The following TFIP11 variants were observed in gnomAD, a reference collection of about 807,000 sequenced individuals.
The protein encoded by TFIP11 is tuftelin interacting protein 11.
Under a neutral mutation model 96.8 loss-of-function variants are expected in TFIP11, and 86 were observed. The ratio of observed to expected loss-of-function variants is 0.89; its 90% CI spans 0.75 to 1.06. The LOEUF (loss-of-function observed/expected upper bound fraction) is 1.06, where lower values mean the gene tolerates loss of function less well. TFIP11 is among the 50% of genes least tolerant of loss of function. TFIP11 has a pLI of 0.00. For missense variants in TFIP11, 881 were observed against 1,076.7 expected (o/e 0.82, Z 2.54); for synonymous variants, 405 against 395.2 (o/e 1.02, Z -0.29).
In TFIP11 at chr22:26,510,217, T is replaced by C. The variant is rs1004139892; in HGVS notation, c.56A>G (p.Asp19Gly). 1.2e-6 allele frequency: 2 copies of C among 1,612,718 alleles called. No homozygotes were observed. Among genetic ancestry groups the C allele is most frequent in the African/African-American group, 2.7e-5 (2 of 74,872 alleles). The change falls in exon 4 of 15, where the codon GAC becomes GGC. Residue 19 changes from aspartate (D) to glycine (G), a missense_variant. Asp to Gly is a moderately conservative substitution (Grantham distance 94). Transcript: ENST00000407690. ...DGEGRIDDDD[D>G]ERENFEITDW... ...AGTGATCTCAAAGTTCTCCCGCTCGTCATCATCATCATCAATGCGGCCTTC... is the reference window on the plus strand; with the variant it reads ...AGTGATCTCAAAGTTCTCCCGCTCGCCATCATCATCATCAATGCGGCCTTC...
intron 8 of TFIP11, among the ~76,000 whole-genome samples, chr22:26,501,407 G>T (rs1051030556): frequency 6.6e-6 from 1 of 151,952 alleles, no homozygotes; most frequent in African/African-American, 2.4e-5. Context: ...AAAAATGTCT[G>T]AAACAAAGAC....
Position 26,510,284 on chromosome 22 carries a change from AAAGG to A in TFIP11, c.-9-7_-9-4del. The A allele has an allele frequency of 1.9e-6, 3 of 1,614,084 alleles. No homozygotes were observed. Among genetic ancestry groups the A allele is most frequent in the Non-Finnish European group, 8.5e-7 (1 of 1,179,966 alleles). ...TGGGACAATGACATGGCCAGTCACT[AAAGG>A]AAGAGACAAAAAGAGCACAGGCCGT... is the stretch of plus-strand genomic sequence containing the variant. On this transcript the variant is annotated splice_region_variant and splice_polypyrimidine_tract_variant and intron_variant, in intron 3 of 14. Coordinates refer to ENST00000407690, the MANE Select transcript of TFIP11 (RefSeq NM_012143.4).
At chr22:26,496,928 C>G (rs774276685) in intron 10 of TFIP11, 39 bp from the exon 11 acceptor site, 1 of 1,606,990 alleles carries the variant, frequency 6.2e-7, no homozygotes, top group Non-Finnish European at 8.5e-7. Context: ...GTTAATTACA[C>G]TGACTGGTTT....
chr22:26,491,528 T>C lies in TFIP11; in HGVS notation c.*485A>G. ...CACAATACATGGACATATTTAATGA[T>C]ACCTCTGTCCACTGGTTCCCTGTGC... On this transcript the variant is annotated 3_prime_UTR_variant, in exon 15 of 15. Coordinates refer to ENST00000407690, the MANE Select transcript of TFIP11 (RefSeq NM_012143.4). The C allele has an allele frequency of 6.2e-7, 1 of 1,614,182 alleles. No homozygotes were observed. Among genetic ancestry groups the C allele is most frequent in the Non-Finnish European group, 8.5e-7 (1 of 1,180,008 alleles).
Position 26,506,452 on chromosome 22 carries a change from T to C in TFIP11, c.371A>G (p.Asn124Ser), listed in dbSNP as rs1258173278. 3 of 1,596,356 alleles carry C rather than the reference T, an allele frequency of 1.9e-6. No individual in the cohort carries two copies. Among genetic ancestry groups the C allele is most frequent in the East Asian group, 2.2e-5 (1 of 44,784 alleles). The change falls in exon 6 of 15, where the codon AAT becomes AGT. Residue 124 changes from asparagine (N) to serine (S), a missense_variant. Physicochemically the swap from Asn to Ser is conservative, Grantham distance 46 (BLOSUM62 1). Coordinates refer to ENST00000407690, the MANE Select transcript of TFIP11 (RefSeq NM_012143.4). ...AAAACCTTTCTGGCTGGGCTTAAAATTGCCACCCTGCAAAAAAGAAAAATC... is the reference window on the plus strand; with the variant it reads ...AAAACCTTTCTGGCTGGGCTTAAAACTGCCACCCTGCAAAAAAGAAAAATC... ...FGPRKLKTGG[N>S]FKPSQKGFAG...
chr22:26,500,940 G>C (rs1239268907), intron 8 of TFIP11, among the ~76,000 whole-genome samples: 2 of 138,284 alleles, frequency 1.4e-5, no homozygotes, highest in African/African-American at 2.7e-5. Flanking sequence ...CTGGAGTGCA[G>C]TGGCACGATT....
chr22:26,499,053 G>C (rs1334904643), intron 9 of TFIP11, 51 bp downstream of exon 9: 1 of 1,606,404 alleles, frequency 6.2e-7, no homozygotes, highest in Non-Finnish European at 8.5e-7. Context: ...CATCAAGCAA[G>C]GGTAAGCCCA....
chr22:26,507,231 AAATT>A (rs904149669), intron 4 of TFIP11, among the ~76,000 whole-genome samples: 28 of 152,336 alleles, frequency 1.8e-4, no homozygotes, highest in African/African-American at 5.5e-4. Flanking sequence ...ACATTTTAAA[AAATT>A]AATTTATCAT....
intron 12 of TFIP11, among the ~76,000 whole-genome samples, chr22:26,495,199 TG>T (rs1293051178): frequency 6.7e-6 from 1 of 148,772 alleles, no homozygotes; most frequent in Non-Finnish European, 1.5e-5. Flanking sequence ...TGGTCTCAGG[TG>T]ATCTGCCCAC....
rs77061054 is a variant in TFIP11 at position 26,506,525 on chromosome 22, T to C, written c.364-66A>G. The C allele has an allele frequency of 2.6e-3, 3,969 of 1,546,410 alleles. 87 individuals carry two copies. In the African/African-American group the frequency reaches 0.045, roughly 18 times the overall value. On this transcript the variant is annotated intron_variant, in intron 5 of 14. Transcript: ENST00000407690. The stretch of plus-strand genomic sequence containing the variant: ...AAAATGAAGAAAAATCTAAGAAAGC[T>C]TGGCCAACAGGAAAATGGCCTAAGT...
At position 26,504,592 on chromosome 22, in the gene TFIP11, G is replaced by C. The variant is rs140410342; in HGVS notation, c.521-799C>G. On this transcript the variant is annotated intron_variant, in intron 6 of 14. Transcript: ENST00000407690. ...AGCTACTTGGCAGGGTTGAGCCCAG[G>C]AGGTTGAGGCTGCAGTGAGCTATGA... Among the ~76,000 whole-genome samples, 1,098 of 152,166 alleles carry C rather than the reference G, an allele frequency of 7.2e-3. 12 individuals carry two copies. The highest frequency in any genetic ancestry group is 0.012 in the Non-Finnish European group (808 of 67,996).
intron 7 of TFIP11, 124 bp downstream of exon 7, chr22:26,503,542 C>T: frequency 7.9e-7 from 1 of 1,261,840 alleles, no homozygotes; most frequent in African/African-American, 1.5e-5. Context: ...AGCCTTCAGC[C>T]CAGTACCTGG....
intron 12 of TFIP11, among the ~76,000 whole-genome samples, chr22:26,495,430 A>ACCAC (rs1019181768): frequency 2.0e-5 from 3 of 151,554 alleles, no homozygotes; most frequent in African/African-American, 7.3e-5. Flanking sequence ...GGCGCCCGCC[A>ACCAC]CCACACCTGG....
At position 26,491,429 on chromosome 22, in the gene TFIP11, T is replaced by A; in HGVS notation, c.*584A>T. On this transcript the variant is annotated 3_prime_UTR_variant, in exon 15 of 15. Transcript: ENST00000407690. ...AGAAGAGTGGGGATTACTGTGACTA[T>A]CTGAAGTTTTTATACTTGAATTTTT... 6.6e-7 allele frequency: 1 copy of A among 1,524,314 alleles called. No individual in the cohort carries two copies. Among genetic ancestry groups the A allele is most frequent in the Non-Finnish European group, 9.1e-7 (1 of 1,104,624 alleles). The allele number at this position is 1,524,314 out of a possible 1,614,324, so 94.4% of individuals were successfully genotyped here. A position where few individuals can be genotyped will look rare whatever the true frequency, so the allele number is the denominator to read the frequency against.
Position 26,492,004 on chromosome 22 carries a change from T to A in TFIP11, c.*9A>T. ...GCAAGTCTCTGACTGGTTCTGGACC[T>A]GCCACAGTTCACTTGGCCATGTCGA... On this transcript the variant is annotated 3_prime_UTR_variant, in exon 15 of 15. Transcript: ENST00000407690. The A allele has an allele frequency of 1.3e-6, 2 of 1,581,874 alleles. No homozygotes were observed. The highest frequency in any genetic ancestry group is 2.3e-5 in the South Asian group (2 of 86,960).
At position 26,506,791 on chromosome 22, in the gene TFIP11, G is replaced by A. The variant is rs761474802; in HGVS notation, c.347C>T (p.Pro116Leu). The A allele has an allele frequency of 1.9e-6, 3 of 1,614,158 alleles. No individual in the cohort carries two copies. Among genetic ancestry groups the A allele is most frequent in the Non-Finnish European group, 2.5e-6 (3 of 1,180,034 alleles). ...AGAGACTACCGTTTTTAGCTTCCTT[G>A]GTCCAAAATCCTTAGGAAAGTCGTC... ...KQDDFPKDFG[P>L]RKLKTGGNFK... The change falls in exon 5 of 15, where the codon CCA becomes CTA. Residue 116 changes from proline to leucine, a missense_variant. Physicochemically the swap from Pro to Leu is moderately conservative, Grantham distance 98. Coordinates refer to ENST00000407690, the MANE Select transcript of TFIP11 (RefSeq NM_012143.4).
intron 4 of TFIP11, 58 bp from the exon 5 acceptor site, chr22:26,506,986 G>A (rs996800419): frequency 2.9e-5 from 45 of 1,572,698 alleles, no homozygotes; most frequent in Non-Finnish European, 3.5e-5. Flanking sequence ...TCTCTGCAGC[G>A]ATCCTTTTGC....
chr22:26,506,980 T>C, intron 4 of TFIP11, 52 bp from the exon 5 acceptor site: 5 of 1,584,654 alleles, frequency 3.2e-6, no homozygotes, highest in Admixed American at 1.8e-5. Context: ...CTCTTTTCTC[T>C]GCAGCGATCC....
At chr22:26,501,873 G>T (rs118144469) in intron 8 of TFIP11, 27 bp downstream of exon 8, 10 of 1,528,142 alleles carry the variant, frequency 6.5e-6, no homozygotes, top group Non-Finnish European at 8.0e-6. Flanking sequence ...TGTGGATCCT[G>T]TACCAGGTGT....
Sources: allele counts gnomAD v4.1 joint callset (sites outside exome capture counted in the v4.1 genomes callset), GRCh38; gene constraint gnomAD v4.1.1; transcripts MANE v1.5; gene names NCBI Gene and HGNC (gene_info 2026-07-23, HGNC 2026-07-21).